The following ZNF385D variants were observed in gnomAD, a reference collection of about 807,000 sequenced individuals.
The protein encoded by ZNF385D is zinc finger protein 385D.
Under a neutral mutation model 35.8 loss-of-function variants are expected in ZNF385D, and 15 were observed. The ratio of observed to expected loss-of-function variants is 0.42; its 90% CI spans 0.28 to 0.64. The LOEUF is 0.64. Ranked by LOEUF, ZNF385D falls within the 30% of genes least tolerant of loss-of-function variation. The pLI, the probability that ZNF385D is intolerant of heterozygous loss-of-function variation, is 0.23. For synonymous variants in ZNF385D, 212 were observed against 186.8 expected, an observed-to-expected ratio of 1.13 and a Z score of -1.10; for missense variants, 474 against 494.6, an observed-to-expected ratio of 0.96 and a Z score of 0.39.
At chr3:21,767,982 T>C (rs2335433) in intron 3 of ZNF385D, among the ~76,000 whole-genome samples, 43,665 of 151,986 alleles carry the variant, frequency 0.29, 7,090 homozygotes, top group African/African-American at 0.45. Context: ...ATTGTCCTAA[T>C]TTGTTGTAAT....
At chr3:21,830,477 G>A (rs1299362225) in intron 3 of ZNF385D, among the ~76,000 whole-genome samples, 2 of 152,148 alleles carry the variant, frequency 1.3e-5, no homozygotes, top group Non-Finnish European at 2.9e-5. Context: ...CATATTAGGT[G>A]CGCTGGGAAA....
chr3:22,147,621 A>T (rs575903430), intron 3 of ZNF385D, among the ~76,000 whole-genome samples: 2 of 152,178 alleles, frequency 1.3e-5, no homozygotes, highest in South Asian at 2.1e-4. Flanking sequence ...TAGGCACCTT[A>T]TATGTATTAA....
At chr3:21,732,916 C>T (rs754577770) in intron 1 of ZNF385D, among the ~76,000 whole-genome samples, 7 of 152,086 alleles carry the variant, frequency 4.6e-5, no homozygotes, top group Admixed American at 3.3e-4. Context: ...TTATCAATTC[C>T]GTCTTTCGTG....
chr3:22,226,861 C>G (rs777091154), intron 2 of ZNF385D, among the ~76,000 whole-genome samples: 1 of 152,082 alleles, frequency 6.6e-6, no homozygotes, highest in African/African-American at 2.4e-5. Flanking sequence ...TGTTGTAATC[C>G]TGACAACTCC....
At chr3:21,484,585 G>C (rs1272086850) in intron 4 of ZNF385D, among the ~76,000 whole-genome samples, 1 of 152,148 alleles carries the variant, frequency 6.6e-6, no homozygotes, top group African/African-American at 2.4e-5. Context: ...CACAAGATGG[G>C]AATGGTCAAG....
chr3:21,682,717 G>A (rs912132098), intron 1 of ZNF385D, among the ~76,000 whole-genome samples: 2 of 149,754 alleles, frequency 1.3e-5, no homozygotes, highest in African/African-American at 4.9e-5. Context: ...TCCTGAGCAG[G>A]AGAAGACAAA....
intron 2 of ZNF385D, among the ~76,000 whole-genome samples, chr3:22,171,736 G>A (rs112252226): frequency 0.091 from 13,787 of 151,874 alleles, 826 homozygotes; most frequent in Middle Eastern, 0.22. Context: ...AATTAGCCGG[G>A]CGTGGTGCCA....
rs539082347 is a variant in ZNF385D at position 22,066,305 on chromosome 3, A to AGTGTGTGT, written c.325+102504_325+102511dup. Among the ~76,000 whole-genome samples, 317 of 116,070 alleles carry AGTGTGTGT rather than the reference A, an allele frequency of 2.7e-3. 1 individual carries two copies. Among genetic ancestry groups the AGTGTGTGT allele is most frequent in the African/African-American group, 0.012 (280 of 23,702 alleles). 76.1% of individuals were successfully genotyped at this position (116,070 alleles called of 152,430 possible). ...AAACAATGCTTCTTTGTAGCTAAGG[A>AGTGTGTGT]GTGTGTGTGTGTGTATGTGTGTGTA... is the stretch of plus-strand genomic sequence containing the variant. On this transcript the variant is annotated intron_variant, in intron 3 of 5. Transcript: ENST00000494108.
chr3:22,226,458 A>C (rs956891681), intron 2 of ZNF385D, among the ~76,000 whole-genome samples: 1 of 152,228 alleles, frequency 6.6e-6, no homozygotes, highest in Non-Finnish European at 1.5e-5. Flanking sequence ...TACAACTTTG[A>C]CAAGTTGTCT....
chr3:22,338,398 T>G (rs1459685838), intron 2 of ZNF385D, among the ~76,000 whole-genome samples: 1 of 152,184 alleles, frequency 6.6e-6, no homozygotes, highest in Non-Finnish European at 1.5e-5. Flanking sequence ...TAACATAGAA[T>G]TCCATAACAG....
At chr3:22,049,920 T>G (rs751955514) in intron 3 of ZNF385D, among the ~76,000 whole-genome samples, 2 of 152,332 alleles carry the variant, frequency 1.3e-5, no homozygotes, top group East Asian at 3.9e-4. Context: ...TTGAGGAATT[T>G]TGCATCTATG....
intron 2 of ZNF385D, among the ~76,000 whole-genome samples, chr3:21,621,746 T>C (rs920434371): frequency 5.3e-5 from 8 of 152,048 alleles, no homozygotes; most frequent in Non-Finnish European, 8.8e-5. Context: ...TAACCTATTA[T>C]CTTCTGAGAT....
chr3:22,209,738 C>T (rs1443506335), intron 2 of ZNF385D, among the ~76,000 whole-genome samples: 1 of 137,250 alleles, frequency 7.3e-6, no homozygotes, highest in Non-Finnish European at 1.6e-5. Context: ...ACTTGGCTTT[C>T]ATTTATGATT....
intron 3 of ZNF385D, among the ~76,000 whole-genome samples, chr3:22,097,481 A>G (rs1263783164): frequency 6.6e-6 from 1 of 152,046 alleles, no homozygotes; most frequent in Non-Finnish European, 1.5e-5. Flanking sequence ...AAATTGAGAG[A>G]AAAGTTATCA....
At position 21,864,229 on chromosome 3, in the gene ZNF385D, C is replaced by T. The variant is rs560733557; in HGVS notation, c.326-199201G>A. 8.9e-4 allele frequency among the ~76,000 whole-genome samples: 136 copies of T among 152,216 alleles called. 1 individual carries two copies. The South Asian group carries it at 0.019, about 22-fold the overall frequency. On this transcript the variant is annotated intron_variant, in intron 3 of 5. Transcript: ENST00000494108. ...TACCTGAGATATTTTAAAGAAAAGG[C>T]ATGTGACATTTGATCCTTATCATGA...
At chr3:21,996,377 C>T (rs1185805630) in intron 3 of ZNF385D, among the ~76,000 whole-genome samples, 1 of 152,088 alleles carries the variant, frequency 6.6e-6, no homozygotes, top group East Asian at 1.9e-4. Flanking sequence ...GCTTTATTTC[C>T]TTCATTTTCC....
chr3:21,929,173 C>G (rs1336147668), intron 3 of ZNF385D, among the ~76,000 whole-genome samples: 1 of 151,958 alleles, frequency 6.6e-6, no homozygotes, highest in Non-Finnish European at 1.5e-5. Context: ...GGATTATACC[C>G]AGAAATAAAC....
At chr3:22,318,997 G>C (rs1176209187) in intron 2 of ZNF385D, among the ~76,000 whole-genome samples, 6 of 152,078 alleles carry the variant, frequency 3.9e-5, no homozygotes, top group African/African-American at 2.4e-5. Flanking sequence ...TCTTATTAAT[G>C]ACCAAAGAGG....
At chr3:21,441,648 G>A (rs1701864811) in intron 4 of ZNF385D, 1 of 974,222 alleles carries the variant, frequency 1.0e-6, no homozygotes, top group African/African-American at 1.8e-5. Flanking sequence ...TCATTTAGAA[G>A]GAGGAAAGAA....
Sources: allele counts gnomAD v4.1 joint callset (sites outside exome capture counted in the v4.1 genomes callset), GRCh38; gene constraint gnomAD v4.1.1; transcripts MANE v1.5; gene names NCBI Gene and HGNC (gene_info 2026-07-23, HGNC 2026-07-21).